VIRMA: variants seen among roughly 807,000 people sequenced by gnomAD.
The protein encoded by VIRMA is vir like m6A methyltransferase associated, also known as protein virilizer homolog.
A neutral mutation model predicts 182.4 loss-of-function variants in VIRMA; 65 were observed. That is an observed-to-expected ratio of 0.36 (90% CI 0.29 to 0.44). The LOEUF is 0.44. Among genes scored for constraint, VIRMA ranks in the 20% least tolerant of loss-of-function variants. The pLI is 1.00. For missense variants in VIRMA, 1,752 were observed against 2,158.1 expected (o/e 0.81, Z 3.73); for synonymous variants, 709 against 743.1 (o/e 0.95, Z 0.75).
chr8:94,537,855 T>C (rs1476181001), intron 3 of VIRMA, among the ~76,000 whole-genome samples: 1 of 152,170 alleles, frequency 6.6e-6, no homozygotes, highest in Non-Finnish European at 1.5e-5. Context: ...AACAAAAGTT[T>C]CATTTTACAA....
At position 94,513,425 on chromosome 8, in the gene VIRMA, CAAAAAAA is replaced by C. The variant is rs34173786; in HGVS notation, c.2752-1343_2752-1337del. Among the ~76,000 whole-genome samples, 855 of 115,028 alleles carry C rather than the reference CAAAAAAA, an allele frequency of 7.4e-3. 4 individuals are homozygous for C. Among genetic ancestry groups the C allele is most frequent in the Non-Finnish European group, 0.011 (586 of 52,384 alleles). 75.5% of individuals were successfully genotyped at this position (115,028 alleles called of 152,430 possible). A position where few individuals can be genotyped will look rare whatever the true frequency, so the allele number is the denominator to read the frequency against. On this transcript the variant is annotated intron_variant, in intron 11 of 23. Coordinates refer to ENST00000297591, the MANE Select transcript of VIRMA (RefSeq NM_015496.5). ...TCTTAGCTCATAGTAGAGTCTAGAC[CAAAAAAA>C]AAAAAAAAAAAAAGTTACTACCTCA...
At chr8:94,546,299 T>C (rs191028165) in intron 1 of VIRMA, among the ~76,000 whole-genome samples, 2 of 151,190 alleles carry the variant, frequency 1.3e-5, no homozygotes, top group East Asian at 3.9e-4. Flanking sequence ...CAATGTCCCT[T>C]GTGCACCAAA....
chr8:94,513,955 A>T (rs930247140), intron 11 of VIRMA, among the ~76,000 whole-genome samples: 1 of 152,228 alleles, frequency 6.6e-6, no homozygotes, highest in African/African-American at 2.4e-5. Flanking sequence ...AGTAAAGAAA[A>T]ATCTGAAGCA....
chr8:94,511,005 G>A, intron 13 of VIRMA, 180 bp downstream of exon 13: 1 of 1,386,450 alleles, frequency 7.2e-7, no homozygotes, highest in Non-Finnish European at 9.4e-7. Context: ...TATTTAAAAT[G>A]TTACCCCCAT....
At chr8:94,492,560 C>A (rs988608032) in intron 21 of VIRMA, 92 bp downstream of exon 21, 56 of 1,125,824 alleles carry the variant, frequency 5.0e-5, no homozygotes, top group South Asian at 3.5e-4. Flanking sequence ...GCGTGAGCCA[C>A]CGCGCTCGGC....
chr8:94,526,158 C>G (rs910988176), intron 8 of VIRMA, 65 bp downstream of exon 8: 1 of 1,311,346 alleles, frequency 7.6e-7, no homozygotes, highest in Non-Finnish European at 1.1e-6. Context: ...AAAGCAAAAT[C>G]AACCACATAA....
At chr8:94,519,784 A>G (rs1165671240) in intron 8 of VIRMA, among the ~76,000 whole-genome samples, 4 of 152,142 alleles carry the variant, frequency 2.6e-5, no homozygotes, top group Admixed American at 6.5e-5. Context: ...CTTTTTCACC[A>G]TGGTCCTACT....
chr8:94,500,226 C>A (rs537068223), intron 16 of VIRMA, among the ~76,000 whole-genome samples: 1 of 151,682 alleles, frequency 6.6e-6, no homozygotes, highest in Non-Finnish European at 1.5e-5. Context: ...AGTAAAATCC[C>A]GTCTCTACTA....
rs767467262 is a variant in VIRMA at position 94,517,974 on chromosome 8, T to C, written c.2514-32A>G. 2.6e-6 allele frequency: 4 copies of C among 1,560,418 alleles called. No individual in the cohort carries two copies. In the African/African-American group the frequency reaches 5.5e-5, roughly 21 times the overall value. ...CAAAATAAGGTTTTTAAGTTTTGGATACAAAAACAATTTTTTAGGAACAAT... is the reference window on the plus strand; with the variant it reads ...CAAAATAAGGTTTTTAAGTTTTGGACACAAAAACAATTTTTTAGGAACAAT... On this transcript the variant is annotated intron_variant, in intron 9 of 23. Coordinates refer to ENST00000297591, the MANE Select transcript of VIRMA (RefSeq NM_015496.5).
intron 22 of VIRMA, 193 bp from the exon 23 acceptor site, chr8:94,490,275 A>T: frequency 1.8e-6 from 1 of 561,194 alleles, no homozygotes; most frequent in Non-Finnish European, 3.1e-6. Flanking sequence ...GGGATCAAAT[A>T]CTGGTTCTAC....
intron 16 of VIRMA, among the ~76,000 whole-genome samples, chr8:94,503,739 A>G (rs963999220): frequency 2.0e-5 from 3 of 152,202 alleles, no homozygotes; most frequent in African/African-American, 7.2e-5. Flanking sequence ...GCACACCTGA[A>G]CACTACACTA....
intron 16 of VIRMA, among the ~76,000 whole-genome samples, chr8:94,500,612 A>G (rs1391030716): frequency 6.6e-6 from 1 of 151,810 alleles, no homozygotes; most frequent in African/African-American, 2.4e-5. Context: ...GCTAGTGGGA[A>G]TGAAAAATGG....
In VIRMA at chr8:94,512,014, G is replaced by A; in HGVS notation, c.2827C>T (p.Pro943Ser). 2 of 1,527,338 alleles carry A rather than the reference G, an allele frequency of 1.3e-6. No individual in the cohort carries two copies. Among genetic ancestry groups the A allele is most frequent in the Non-Finnish European group, 8.8e-7 (1 of 1,135,326 alleles). The allele number at this position is 1,527,338 out of a possible 1,614,324, so 94.6% of individuals were successfully genotyped here. The change falls in exon 12 of 24, where the codon CCA (proline) becomes TCA (serine). Residue 943 changes from proline (P) to serine (S), a missense_variant. By Grantham distance (74) the Pro-to-Ser change is moderately conservative. Coordinates refer to ENST00000297591, the MANE Select transcript of VIRMA (RefSeq NM_015496.5). ...ACATTACCTTCAACAGGAGGTGGTG[G>A]GCATGCAACATTACAGAGAACACGT... The part of the protein sequence containing the change: ...ALRVLCNVAC[P>S]PPPVEGQQKD...
Position 94,535,012 on chromosome 8 carries a change from T to C in VIRMA, c.316-5A>G. On this transcript the variant is annotated splice_region_variant and splice_polypyrimidine_tract_variant and intron_variant, in intron 4 of 23. Coordinates refer to ENST00000297591, the MANE Select transcript of VIRMA (RefSeq NM_015496.5). Reference sequence around the variant, plus strand: ...CACCAGACCATCAGTATTCACCTGATTTTCAGGGAGGGCAAAAAAAATCTT... The same window carrying C: ...CACCAGACCATCAGTATTCACCTGACTTTCAGGGAGGGCAAAAAAAATCTT... 6.4e-7 allele frequency: 1 copy of C among 1,561,702 alleles called. No individual in the cohort carries two copies. The highest frequency in any genetic ancestry group is 8.6e-7 in the Non-Finnish European group (1 of 1,159,074).
At chr8:94,543,758 T>C in intron 2 of VIRMA, 69 bp downstream of exon 2, 1 of 833,334 alleles carries the variant, frequency 1.2e-6, no homozygotes, top group Non-Finnish European at 2.0e-6. Context: ...CTTACATTTT[T>C]GCATTTAAGA....
chr8:94,521,112 C>T lies in VIRMA; in HGVS notation c.2022-1636G>A, dbSNP rs371306913. 1.7e-4 allele frequency among the ~76,000 whole-genome samples: 26 copies of T among 151,698 alleles called. No homozygotes were observed. In the East Asian group the frequency reaches 2.3e-3, roughly 14 times the overall value. Reference sequence around the variant, plus strand: ...TGTGCAGGCTTGTTACATAGGTAAACGTGTGCCATGGTGGTTTGCTGCACC... The same window carrying T: ...TGTGCAGGCTTGTTACATAGGTAAATGTGTGCCATGGTGGTTTGCTGCACC... On this transcript the variant is annotated intron_variant, in intron 8 of 23. Transcript: ENST00000297591.
chr8:94,534,982 C>T lies in VIRMA; in HGVS notation c.341G>A (p.Arg114Lys), dbSNP rs1815292166. ...CAGTGTCAGACAGTTATACCAGCCTCTTAGCACCAGACCATCAGTATTCAC... is the reference window on the plus strand; with the variant it reads ...CAGTGTCAGACAGTTATACCAGCCTTTTAGCACCAGACCATCAGTATTCAC... ...SKVNTDGLVL[R>K]GWYNCLTLAI... The change falls in exon 5 of 24, where the codon AGA (arginine) becomes AAA (lysine). Residue 114 changes from arginine to lysine, a missense_variant. Arg to Lys is a conservative substitution (Grantham distance 26). Transcript: ENST00000297591. 1.0e-5 allele frequency: 16 copies of T among 1,607,794 alleles called. No homozygotes were observed. The highest frequency in any genetic ancestry group is 1.4e-5 in the Non-Finnish European group (16 of 1,178,436).
chr8:94,510,005 T>C, intron 14 of VIRMA, 65 bp from the exon 15 acceptor site: 4 of 1,413,996 alleles, frequency 2.8e-6, no homozygotes, highest in Non-Finnish European at 3.8e-6. Flanking sequence ...TTAACTAGTA[T>C]TTATTTCTCA....
Position 94,496,397 on chromosome 8 carries a change from T to G in VIRMA, c.4314A>C (p.Leu1438Phe), listed in dbSNP as rs150870867. Residue 1438 changes from leucine (L) to phenylalanine (F), a missense_variant, in exon 18 of 24, where the codon TTA becomes TTC. Physicochemically the swap from Leu to Phe is conservative, Grantham distance 22. Around this residue, in one of 11 missense-constraint regions of VIRMA, gnomAD observed 777 missense variants for 920.6 expected, o/e 0.84. Transcript: ENST00000297591. The stretch of plus-strand genomic sequence containing the variant: ...CTTCTTTGCTTTGTAGAAGCTGTTT[T>G]AACTCTGCAGCATTAATACTCATCG... ...SRTMSINAAE[L>F]KQLLQSKEES... is the part of the protein sequence containing the mutation. 2.5e-6 allele frequency: 4 copies of G among 1,613,742 alleles called. No homozygotes were observed. In the African/African-American group the frequency reaches 5.3e-5, roughly 22 times the overall value.
Sources: gnomAD v4.1 joint callset for allele counts (sites outside exome capture counted in the v4.1 genomes callset) on GRCh38, gnomAD v4.1.1 for gene constraint, gnomAD v4.1.1 regional missense constraint, MANE v1.5 for transcripts, NCBI Gene and HGNC (gene_info 2026-07-23, HGNC 2026-07-21) for gene names.